EBF1: variants seen among roughly 807,000 people sequenced by gnomAD.
The protein encoded by EBF1 is EBF transcription factor 1.
A neutral mutation model predicts 68.4 loss-of-function variants in EBF1; 10 were observed. The observed-to-expected ratio is 0.15, with a 90% CI of 0.09 to 0.25. The LOEUF (loss-of-function observed/expected upper bound fraction) is 0.25. Among genes scored for constraint, EBF1 ranks in the 10% least tolerant of loss-of-function variants. The pLI, the probability that EBF1 is intolerant of heterozygous loss-of-function variation, is 1.00. For synonymous variants in EBF1, 298 were observed against 299.8 expected, an observed-to-expected ratio of 0.99 and a Z score of 0.06; for missense variants, 509 against 794.4, an observed-to-expected ratio of 0.64 and a Z score of 4.32.
chr5:158,742,164 A>G (rs1296480100), intron 10 of EBF1, among the ~76,000 whole-genome samples: 3 of 152,168 alleles, frequency 2.0e-5, no homozygotes, highest in African/African-American at 7.2e-5. Flanking sequence ...CTTTTGTGAT[A>G]CTGTTTTTGC....
intron 6 of EBF1, among the ~76,000 whole-genome samples, chr5:159,048,847 G>A (rs980890942): frequency 5.3e-5 from 8 of 152,160 alleles, no homozygotes; most frequent in African/African-American, 9.7e-5. Flanking sequence ...GGTGAGGGCC[G>A]TTCAGCAACT....
intron 6 of EBF1, among the ~76,000 whole-genome samples, chr5:158,958,842 G>A (rs1463973806): frequency 6.6e-6 from 1 of 152,084 alleles, no homozygotes; most frequent in Non-Finnish European, 1.5e-5. Context: ...AATGCCATGT[G>A]CCGTGCATAT....
intron 11 of EBF1, among the ~76,000 whole-genome samples, chr5:158,730,013 T>A (rs1189224658): frequency 6.6e-6 from 1 of 152,092 alleles, no homozygotes; most frequent in African/African-American, 2.4e-5. Flanking sequence ...TCCAAGGAGG[T>A]TCACCAAGCT....
At chr5:158,865,067 GAC>G (rs1795643207) in intron 6 of EBF1, among the ~76,000 whole-genome samples, 2 of 152,100 alleles carry the variant, frequency 1.3e-5, no homozygotes, top group African/African-American at 2.4e-5. Flanking sequence ...CCTTCCCTGA[GAC>G]AACCCAAAAA....
intron 6 of EBF1, among the ~76,000 whole-genome samples, chr5:158,855,623 C>T (rs1244404387): frequency 1.3e-5 from 2 of 152,238 alleles, no homozygotes; most frequent in African/African-American, 4.8e-5. Context: ...TGATCCCCCT[C>T]TCATTCCCCA....
intron 6 of EBF1, among the ~76,000 whole-genome samples, chr5:158,971,090 T>C (rs1755557874): frequency 6.6e-6 from 1 of 152,226 alleles, no homozygotes; most frequent in African/African-American, 2.4e-5. Flanking sequence ...TCATCTTCAA[T>C]TTACTATAAT....
intron 6 of EBF1, among the ~76,000 whole-genome samples, chr5:158,893,942 T>C (rs1346192636): frequency 6.6e-6 from 1 of 152,166 alleles, no homozygotes. Context: ...TGAGAAATCT[T>C]ACAAAGATTT....
In EBF1 at chr5:158,697,170, T is replaced by A. The variant is rs908624241; in HGVS notation, c.*1941A>T. 1 of 194,066 alleles carries A rather than the reference T, an allele frequency of 5.2e-6. No individual in the cohort carries two copies. The highest frequency in any genetic ancestry group is 1.1e-5 in the Non-Finnish European group (1 of 93,050). The allele number at this position is 194,066 out of a possible 1,614,324, so 12.0% of individuals were successfully genotyped here. A position where few individuals can be genotyped will look rare whatever the true frequency, so the allele number is the denominator to read the frequency against. ...AAGGGAGAGATTCCATGCATATTAA[T>A]AGAGTAAAACAGCATTAGGGTTGTT... On this transcript the variant is annotated 3_prime_UTR_variant, in exon 16 of 16. Coordinates refer to ENST00000313708, the MANE Select transcript of EBF1 (RefSeq NM_024007.5).
chr5:158,758,386 C>G (rs1359430050), intron 10 of EBF1, among the ~76,000 whole-genome samples: 3 of 152,244 alleles, frequency 2.0e-5, no homozygotes, highest in South Asian at 2.1e-4. Context: ...AATAGATTAG[C>G]TAGGATATGA....
chr5:159,089,181 G>A (rs1262054796), intron 4 of EBF1, among the ~76,000 whole-genome samples: 2 of 151,732 alleles, frequency 1.3e-5, no homozygotes, highest in African/African-American at 4.8e-5. Flanking sequence ...CAGATTAAGG[G>A]GCTTTTAAAG....
chr5:159,033,446 C>T (rs1185961343), intron 6 of EBF1, among the ~76,000 whole-genome samples: 5 of 152,168 alleles, frequency 3.3e-5, no homozygotes, highest in African/African-American at 9.7e-5. Flanking sequence ...ACAACAAATT[C>T]CATTAAACCT....
intron 6 of EBF1, among the ~76,000 whole-genome samples, chr5:158,928,604 A>G (rs921616672): frequency 2.0e-5 from 3 of 152,220 alleles, no homozygotes; most frequent in African/African-American, 7.2e-5. Flanking sequence ...CAGCGCAGCA[A>G]TGAAATTGGG....
chr5:158,764,098 T>A (rs1220791718), intron 10 of EBF1, among the ~76,000 whole-genome samples: 1 of 152,212 alleles, frequency 6.6e-6, no homozygotes, highest in Non-Finnish European at 1.5e-5. Context: ...TATATTCTCA[T>A]TCCTATTTTG....
At chr5:158,820,909 C>T (rs879014964) in intron 8 of EBF1, among the ~76,000 whole-genome samples, 1 of 152,180 alleles carries the variant, frequency 6.6e-6, no homozygotes, top group Admixed American at 6.5e-5. Flanking sequence ...TGCATTCTTC[C>T]TAAGTGGCTT....
intron 6 of EBF1, among the ~76,000 whole-genome samples, chr5:158,939,560 T>C (rs1002129547): frequency 6.6e-6 from 1 of 152,220 alleles, no homozygotes; most frequent in Non-Finnish European, 1.5e-5. Flanking sequence ...AGCTATTTGG[T>C]ATCTTGAATG....
chr5:158,991,213 C>T (rs2127609515), intron 6 of EBF1, among the ~76,000 whole-genome samples: 1 of 152,302 alleles, frequency 6.6e-6, no homozygotes, highest in Non-Finnish European at 1.5e-5. Flanking sequence ...GAGCACAATG[C>T]CTGGCACATA....
At chr5:158,834,392 A>G (rs1233725831) in intron 7 of EBF1, among the ~76,000 whole-genome samples, 1 of 151,970 alleles carries the variant, frequency 6.6e-6, no homozygotes, top group Non-Finnish European at 1.5e-5. Flanking sequence ...TCTTTCCTCC[A>G]GCCTTCCTCA....
intron 11 of EBF1, among the ~76,000 whole-genome samples, chr5:158,718,973 A>G (rs570220662): frequency 6.6e-6 from 1 of 152,322 alleles, no homozygotes; most frequent in Admixed American, 6.5e-5. Flanking sequence ...CATAATGTTT[A>G]GCAAACCACA....
chr5:159,051,414 C>G (rs1266157223), intron 6 of EBF1, among the ~76,000 whole-genome samples: 2 of 130,756 alleles, frequency 1.5e-5, no homozygotes, highest in South Asian at 2.9e-4. Context: ...CCCTCCCCCT[C>G]CCCCCCGCTC....
Sources: allele counts gnomAD v4.1 joint callset (sites outside exome capture counted in the v4.1 genomes callset), GRCh38; gene constraint gnomAD v4.1.1; transcripts MANE v1.5; gene names NCBI Gene and HGNC (gene_info 2026-07-23, HGNC 2026-07-21).